The following CSMD1 variants were observed in gnomAD, a reference collection of about 807,000 sequenced individuals.
The protein encoded by CSMD1 is CUB and sushi domain-containing protein 1.
In CSMD1, 213 loss-of-function variants were observed where a neutral mutation model predicts 417.5. The ratio of observed to expected loss-of-function variants is 0.51; its 90% confidence interval spans 0.46 to 0.57. CSMD1 has a LOEUF of 0.57. Among genes scored for constraint, CSMD1 ranks in the 20% least tolerant of loss-of-function variants. The probability of loss-of-function intolerance (pLI) is 0.00; values close to 1 mark genes in which losing one functional copy is unlikely to be tolerated. For missense variants in CSMD1, 6,923 were observed against 4,529.7 expected (o/e 1.53, Z -15.17); for synonymous variants, 2,862 against 1,736.8 (o/e 1.65, Z -16.11).
At position 3,616,753 on chromosome 8, in the gene CSMD1, G is replaced by C; in HGVS notation, c.1054C>G (p.Pro352Ala). 6.2e-7 allele frequency: 1 copy of C among 1,612,544 alleles called. No homozygotes were observed. The highest frequency in any genetic ancestry group is 8.5e-7 in the Non-Finnish European group (1 of 1,179,212). The change falls in exon 8 of 70, where the codon CCT becomes GCT. Residue 352 changes from proline to alanine, a missense_variant. By Grantham distance (27) the Pro-to-Ala change is conservative (BLOSUM62 -1). Transcript: ENST00000635120. ...CTTCTACCATTTTCTGGAATCCCAG[G>C]ATCTGGACACATGTCAGAGACCAAT... ...VALVSDMCPD[P>A]GIPENGRRAG...
chr8:4,658,649 T>C (rs975190070), intron 1 of CSMD1, among the ~76,000 whole-genome samples: 1 of 152,094 alleles, frequency 6.6e-6, no homozygotes, highest in East Asian at 1.9e-4. Context: ...CTTCGGAAAG[T>C]AAAGCAATGC....
chr8:3,808,972 C>A (rs1009297277), intron 5 of CSMD1, among the ~76,000 whole-genome samples: 2 of 152,138 alleles, frequency 1.3e-5, no homozygotes, highest in Admixed American at 6.6e-5. Context: ...AGCCAAGGCA[C>A]TGGTTAAACA....
At chr8:4,525,203 C>T (rs976867166) in intron 2 of CSMD1, among the ~76,000 whole-genome samples, 2 of 151,962 alleles carry the variant, frequency 1.3e-5, no homozygotes, top group Admixed American at 1.3e-4. Context: ...CCCCACCTAC[C>T]AACAAAAAAG....
At chr8:4,762,745 G>T (rs1812199416) in intron 1 of CSMD1, among the ~76,000 whole-genome samples, 1 of 152,034 alleles carries the variant, frequency 6.6e-6, no homozygotes, top group South Asian at 2.1e-4. Flanking sequence ...TCTCAATTCA[G>T]TGCTCCTGCA....
At chr8:3,307,634 C>T (rs1161051401) in intron 25 of CSMD1, 61 bp downstream of exon 25, 12 of 1,526,438 alleles carry the variant, frequency 7.9e-6, no homozygotes, top group Non-Finnish European at 1.1e-5. Flanking sequence ...ACTATCTCTG[C>T]TACAAGAATA....
At chr8:4,423,468 A>T (rs571579566) in intron 2 of CSMD1, among the ~76,000 whole-genome samples, 1 of 152,218 alleles carries the variant, frequency 6.6e-6, no homozygotes, top group African/African-American at 2.4e-5. Flanking sequence ...CAGCTCAAAG[A>T]AAAGCTTCTG....
chr8:3,187,564 G>C (rs1344554183), intron 36 of CSMD1, among the ~76,000 whole-genome samples: 1 of 152,094 alleles, frequency 6.6e-6, no homozygotes, highest in African/African-American at 2.4e-5. Context: ...CCTAACCTCT[G>C]CCTCTTTGCT....
At chr8:3,498,745 G>C (rs1796470048) in intron 10 of CSMD1, among the ~76,000 whole-genome samples, 1 of 152,054 alleles carries the variant, frequency 6.6e-6, no homozygotes, top group Non-Finnish European at 1.5e-5. Flanking sequence ...TCCAGGTTCA[G>C]AAATTCTTTT....
At chr8:3,860,627 C>T (rs1266506230) in intron 5 of CSMD1, among the ~76,000 whole-genome samples, 2 of 152,138 alleles carry the variant, frequency 1.3e-5, no homozygotes, top group Non-Finnish European at 2.9e-5. Flanking sequence ...CTATTAGTTA[C>T]AGTCCATTAA....
intron 5 of CSMD1, among the ~76,000 whole-genome samples, chr8:3,838,252 A>T (rs1328200390): frequency 6.6e-6 from 1 of 152,000 alleles, no homozygotes; most frequent in Non-Finnish European, 1.5e-5. Flanking sequence ...AGAAATTCAC[A>T]AGTCTGGGCA....
At chr8:3,322,531 C>A (rs1806218908) in intron 23 of CSMD1, among the ~76,000 whole-genome samples, 1 of 152,194 alleles carries the variant, frequency 6.6e-6, no homozygotes, top group Non-Finnish European at 1.5e-5. Flanking sequence ...AATCCATGCA[C>A]ATACATAACT....
intron 5 of CSMD1, among the ~76,000 whole-genome samples, chr8:3,841,043 A>C (rs1213133558): frequency 6.6e-6 from 1 of 152,080 alleles, no homozygotes; most frequent in Admixed American, 6.6e-5. Context: ...GTCTTAGGGC[A>C]AAATTCCAGG....
intron 3 of CSMD1, among the ~76,000 whole-genome samples, chr8:4,041,609 C>T (rs1797898553): frequency 6.6e-6 from 1 of 151,938 alleles, no homozygotes; most frequent in African/African-American, 2.4e-5. Flanking sequence ...AAGTAATAAG[C>T]ACGCAAAAAA....
intron 7 of CSMD1, among the ~76,000 whole-genome samples, chr8:3,699,356 ATTAT>A (rs1215019935): frequency 5.3e-5 from 8 of 152,290 alleles, no homozygotes; most frequent in East Asian, 3.9e-4. Flanking sequence ...ACATGGATGA[ATTAT>A]TTAATTATTT....
At chr8:4,991,960 C>A (rs1358996427) in intron 1 of CSMD1, among the ~76,000 whole-genome samples, 3 of 152,170 alleles carry the variant, frequency 2.0e-5, no homozygotes, top group East Asian at 1.9e-4. Flanking sequence ...GTGAGAGCTA[C>A]GTCCGAGCGT....
At chr8:4,329,820 A>G (rs1011716630) in intron 3 of CSMD1, among the ~76,000 whole-genome samples, 1 of 150,592 alleles carries the variant, frequency 6.6e-6, no homozygotes, top group African/African-American at 2.4e-5. Flanking sequence ...GATGTGGTCA[A>G]TTAAAAAAGT....
intron 10 of CSMD1, among the ~76,000 whole-genome samples, chr8:3,503,680 C>T (rs1184848929): frequency 6.6e-6 from 1 of 152,316 alleles, no homozygotes; most frequent in East Asian, 1.9e-4. Context: ...CAGCTCAAGA[C>T]AGCTAAAGAA....
chr8:4,146,726 C>G (rs1362744218), intron 3 of CSMD1, among the ~76,000 whole-genome samples: 1 of 147,988 alleles, frequency 6.8e-6, no homozygotes, highest in Non-Finnish European at 1.5e-5. Context: ...ATTCTCCTGC[C>G]TCAGCCTCCA....
chr8:4,202,066 G>A (rs1345608942), intron 3 of CSMD1, among the ~76,000 whole-genome samples: 1 of 151,240 alleles, frequency 6.6e-6, no homozygotes, highest in Non-Finnish European at 1.5e-5. Flanking sequence ...GGCTCTTAAT[G>A]CTTGCCTCTC....
Sources: gnomAD v4.1 joint callset for allele counts (sites outside exome capture counted in the v4.1 genomes callset) on GRCh38, gnomAD v4.1.1 for gene constraint, MANE v1.5 for transcripts, NCBI Gene and HGNC (gene_info 2026-07-23, HGNC 2026-07-21) for gene names.